Variants in GLIS1 observed in about 807,000 individuals in gnomAD.
GLIS1 encodes zinc finger protein GLIS1.
Under a neutral mutation model 63.8 loss-of-function variants are expected in GLIS1, and 24 were observed. The ratio of observed to expected loss-of-function variants is 0.38; its 90% confidence interval spans 0.27 to 0.53. The LOEUF is 0.53. GLIS1 is among the 20% of genes least tolerant of loss of function. The pLI is 0.85. For missense variants in GLIS1, 1,036 were observed against 1,074.1 expected, an observed-to-expected ratio of 0.96 and a Z score of 0.50; for synonymous variants, 450 against 482.5, an observed-to-expected ratio of 0.93 and a Z score of 0.88.
chr1:53,575,633 G>T (rs1236816686), intron 4 of GLIS1, among the ~76,000 whole-genome samples: 2 of 152,184 alleles, frequency 1.3e-5, no homozygotes, highest in Non-Finnish European at 1.5e-5. Context: ...TGGACTATGA[G>T]CACTTCCAGG....
chr1:53,666,384 G>A (rs185799825), intron 2 of GLIS1, among the ~76,000 whole-genome samples: 13 of 152,296 alleles, frequency 8.5e-5, no homozygotes, highest in Admixed American at 7.2e-4. Context: ...GCCTGTGCCT[G>A]TAACTGATAG....
intron 2 of GLIS1, among the ~76,000 whole-genome samples, chr1:53,726,285 C>T (rs797908): frequency 0.12 from 18,507 of 152,062 alleles, 1,180 homozygotes; most frequent in East Asian, 0.23. Context: ...ACTCCGGGCA[C>T]ATCATTTAGC....
chr1:53,536,707 A>G (rs1452469001), intron 4 of GLIS1, among the ~76,000 whole-genome samples: 3 of 152,070 alleles, frequency 2.0e-5, no homozygotes, highest in African/African-American at 7.3e-5. Flanking sequence ...ACCAAAAGAC[A>G]AGTTCTCTCT....
chr1:53,652,123 T>A (rs1262130056), intron 2 of GLIS1, among the ~76,000 whole-genome samples: 1 of 152,224 alleles, frequency 6.6e-6, no homozygotes, highest in Non-Finnish European at 1.5e-5. Flanking sequence ...ATGCACTTCC[T>A]AGCTCAGTGT....
intron 2 of GLIS1, among the ~76,000 whole-genome samples, chr1:53,720,950 A>T (rs1391145186): frequency 6.6e-6 from 1 of 151,888 alleles, no homozygotes; most frequent in Non-Finnish European, 1.5e-5. Context: ...GTGGGCCGAG[A>T]TCACGCCACT....
At position 53,511,696 on chromosome 1, in the gene GLIS1, C is replaced by T. The variant is rs1644299936; in HGVS notation, c.1884-1669G>A. 6.6e-6 allele frequency among the ~76,000 whole-genome samples: 1 copy of T among 152,162 alleles called. No homozygotes were observed. The highest frequency in any genetic ancestry group is 1.5e-5 in the Non-Finnish European group (1 of 68,002). On this transcript the variant is annotated intron_variant, in intron 8 of 10. Coordinates refer to ENST00000628545, the MANE Select transcript of GLIS1 (RefSeq NM_001367484.1). The surrounding 1 kb of genome is among the most constrained non-coding windows in gnomAD (Gnocchi z 4.2). ...CTTGTGGGGTGATCAAGTGGGACAG[C>T]GTCTTCCTCTATGCACTAGAAACCG...
chr1:53,665,127 G>A (rs56979303), intron 2 of GLIS1, among the ~76,000 whole-genome samples: 4,092 of 152,284 alleles, frequency 0.027, 171 homozygotes, highest in African/African-American at 0.093. Flanking sequence ...CATAATCCAA[G>A]CAAGAATGGT....
chr1:53,738,768 C>T (rs138830298), intron 1 of GLIS1, among the ~76,000 whole-genome samples: 5 of 152,194 alleles, frequency 3.3e-5, no homozygotes, highest in South Asian at 2.1e-4. Flanking sequence ...CGCGCGCAAA[C>T]CGGCACAGTG....
rs3107571 is a variant in GLIS1, at chr1:53,633,038, T to A, written c.260-32760A>T. On this transcript the variant is annotated intron_variant, in intron 2 of 10. Coordinates refer to ENST00000628545, the MANE Select transcript of GLIS1 (RefSeq NM_001367484.1). ...TGAGTGTGACCGAGGGGCATGTGTA[T>A]GAGTGTGACCGAGGGGCGTGTGTAT... Among the ~76,000 whole-genome samples, 6 of 133,226 alleles carry A rather than the reference T, an allele frequency of 4.5e-5. No individual in the cohort carries two copies. The East Asian group carries it at 7.2e-4, about 16-fold the overall frequency. 87.4% of individuals were successfully genotyped at this position (133,226 alleles called of 152,430 possible).
At chr1:53,567,683 T>C (rs1273039607) in intron 4 of GLIS1, among the ~76,000 whole-genome samples, 1 of 152,206 alleles carries the variant, frequency 6.6e-6, no homozygotes, top group East Asian at 1.9e-4. Context: ...CCTCAGGACA[T>C]GGTGTTCTGC....
At chr1:53,689,618 C>CCAAA (rs781482596) in intron 2 of GLIS1, among the ~76,000 whole-genome samples, 2 of 152,116 alleles carry the variant, frequency 1.3e-5, no homozygotes, top group Non-Finnish European at 2.9e-5. Flanking sequence ...AACACTTAGC[C>CCAAA]CAAACAAAGA....
chr1:53,615,860 T>C (rs558145489), intron 2 of GLIS1, among the ~76,000 whole-genome samples: 4 of 152,178 alleles, frequency 2.6e-5, no homozygotes, highest in African/African-American at 9.6e-5. Context: ...CAATAACTCA[T>C]GCCTCAGCCT....
At chr1:53,695,139 G>A (rs6673378) in intron 2 of GLIS1, among the ~76,000 whole-genome samples, 1 of 151,754 alleles carries the variant, frequency 6.6e-6, no homozygotes, top group Non-Finnish European at 1.5e-5. Context: ...CAGCTGGGGT[G>A]GGGGTGGGTT....
intron 8 of GLIS1, among the ~76,000 whole-genome samples, chr1:53,513,775 G>C (rs1569721182): frequency 6.6e-6 from 1 of 152,248 alleles, no homozygotes; most frequent in African/African-American, 2.4e-5. Context: ...TGAATGAATG[G>C]CAGGAGGAGC....
chr1:53,525,473 G>T (rs1644457572), intron 5 of GLIS1, among the ~76,000 whole-genome samples: 1 of 140,704 alleles, frequency 7.1e-6, no homozygotes, highest in Non-Finnish European at 1.6e-5. Context: ...AGGCTGGGGA[G>T]GCTGGGGAGT....
chr1:53,717,767 T>C (rs1316610765), intron 2 of GLIS1, among the ~76,000 whole-genome samples: 1 of 152,164 alleles, frequency 6.6e-6, no homozygotes, highest in Non-Finnish European at 1.5e-5. Context: ...TACTGTGTTT[T>C]CCCCCATCTC....
intron 2 of GLIS1, among the ~76,000 whole-genome samples, chr1:53,629,003 T>C (rs979126053): frequency 5.9e-5 from 9 of 152,034 alleles, no homozygotes; most frequent in African/African-American, 2.2e-4. Flanking sequence ...CTCAGGTAGA[T>C]CAAATCGAAT....
chr1:53,538,994 G>C (rs1644610927), intron 4 of GLIS1, among the ~76,000 whole-genome samples: 1 of 152,076 alleles, frequency 6.6e-6, no homozygotes, highest in Non-Finnish European at 1.5e-5. Flanking sequence ...CAAGTGGACA[G>C]GTGGGATCCA....
intron 2 of GLIS1, among the ~76,000 whole-genome samples, chr1:53,691,686 G>T (rs1646407458): frequency 6.6e-6 from 1 of 152,222 alleles, no homozygotes; most frequent in Non-Finnish European, 1.5e-5. Flanking sequence ...TCATACACTG[G>T]CCGAGCTTCG....
Sources: gnomAD v4.1 joint callset for allele counts (sites outside exome capture counted in the v4.1 genomes callset) on GRCh38, gnomAD v4.1.1 for gene constraint, Gnocchi (gnomAD v3.1) non-coding constraint, MANE v1.5 for transcripts, NCBI Gene and HGNC (gene_info 2026-07-23, HGNC 2026-07-21) for gene names.